TTN: variants seen among roughly 807,000 people sequenced by gnomAD.
TTN encodes connectin.
In TTN, 1,525 loss-of-function variants were observed where a neutral mutation model predicts 3,223.0. That is an observed-to-expected ratio of 0.47 (90% CI 0.45 to 0.49). The LOEUF (loss-of-function observed/expected upper bound fraction) is 0.49. Among genes scored for constraint, TTN ranks in the 20% least tolerant of loss-of-function variants. The pLI is 0.00. For missense variants in TTN, 40,786 were observed against 43,424.0 expected (o/e 0.94, Z 5.40); for synonymous variants, 14,094 against 15,161.0 (o/e 0.93, Z 5.17).
chr2:178,568,672 T>G lies in TTN; in HGVS notation c.77460A>C (p.Pro25820=), dbSNP rs576663532. 1.9e-6 allele frequency: 3 copies of G among 1,613,370 alleles called. No individual in the cohort carries two copies. The South Asian group carries it at 3.3e-5, about 18-fold the overall frequency. ...TGGTTGGCTTAGGACGTCCAGAAAT[T>G]GGCACTTCTATTTTCAAATCTTGGC... ...QVGQDLKIEV[P]ISGRPKPTIT... is the part of the protein sequence containing the mutation. Residue 25820 remains proline, a synonymous_variant, in exon 326 of 363, where the codon CCA becomes CCC. Transcript: ENST00000589042.
In TTN at chr2:178,533,005, C is replaced by T. The variant is rs369028576; in HGVS notation, c.103610G>A (p.Arg34537Gln). The change falls in exon 358 of 363, where the codon CGG becomes CAG. Residue 34537 changes from arginine (R) to glutamine (Q), a missense_variant. Transcript: ENST00000589042. ...IEEKKEERKL[R>Q]MPYDVPEPRK... Reference sequence around the variant, plus strand: ...TGGCTCTGGTACATCATAAGGCATCCGGAGTTTTCTCTCCTCCTTCTTTTC... The same window carrying T: ...TGGCTCTGGTACATCATAAGGCATCTGGAGTTTTCTCTCCTCCTTCTTTTC... 26 of 1,613,720 alleles carry T rather than the reference C, an allele frequency of 1.6e-5. No homozygotes were observed. Among genetic ancestry groups the T allele is most frequent in the Admixed American group, 1.0e-4 (6 of 59,998 alleles).
In TTN at chr2:178,578,550, CAG is replaced by C. The variant is rs2046978493; in HGVS notation, c.68329+59_68329+60del. ...CGATAAGCACATGTTCAACTGTTCT[CAG>C]GGAAATATTTGTGAGGAATCTTGAT... On this transcript the variant is annotated intron_variant, in intron 321 of 362. Coordinates refer to ENST00000589042, the MANE Select transcript of TTN (RefSeq NM_001267550.2). 4 of 1,317,790 alleles carry C rather than the reference CAG, an allele frequency of 3.0e-6. No individual in the cohort carries two copies. In the East Asian group the frequency reaches 9.7e-5, roughly 32 times the overall value. 81.6% of individuals were successfully genotyped at this position (1,317,790 alleles called of 1,614,324 possible).
Position 178,611,787 on chromosome 2 carries a change from G to A in TTN, c.50522C>T (p.Thr16841Ile). 6.2e-7 allele frequency: 1 copy of A among 1,612,678 alleles called. No individual in the cohort carries two copies. The highest frequency in any genetic ancestry group is 8.5e-7 in the Non-Finnish European group (1 of 1,179,212). Reference protein sequence around the residue: ...EAGVGHPSEPTEILSIEDPTS... With the variant: ...EAGVGHPSEPIEILSIEDPTS... The stretch of plus-strand genomic sequence containing the variant: ...TGGATCTTCAATGGATAGGATTTCT[G>A]TGGGTTCACTTGGGTGGCCAACTCC... Residue 16841 changes from threonine to isoleucine, a missense_variant, in exon 268 of 363, where the codon ACA (threonine) becomes ATA (isoleucine). Physicochemically the swap from Thr to Ile is moderately conservative, Grantham distance 89. Coordinates refer to ENST00000589042, the MANE Select transcript of TTN (RefSeq NM_001267550.2).
Position 178,756,376 on chromosome 2 carries a change from T to C in TTN, c.11100A>G (p.Ile3700Met). The C allele has an allele frequency of 6.2e-7, 1 of 1,613,896 alleles. No individual in the cohort carries two copies. The highest frequency in any genetic ancestry group is 8.5e-7 in the Non-Finnish European group (1 of 1,179,836). ...ATTGTTTCAGTCTCTCGGATTCCTCTATCTTTGCACCTTCGTGAGTCCAGG... is the reference window on the plus strand; with the variant it reads ...ATTGTTTCAGTCTCTCGGATTCCTCCATCTTTGCACCTTCGTGAGTCCAGG... ...DVTWTHEGAK[I>M]EESERLKQSQ... The change falls in exon 46 of 363, where the codon ATA becomes ATG. Residue 3700 changes from isoleucine to methionine, a missense_variant. Physicochemically the swap from Ile to Met is conservative, Grantham distance 10. Coordinates refer to ENST00000589042, the MANE Select transcript of TTN (RefSeq NM_001267550.2).
chr2:178,748,217 A>G, intron 47 of TTN: 2 of 1,613,060 alleles, frequency 1.2e-6, no homozygotes, highest in South Asian at 2.2e-5. Flanking sequence ...TTCACTATAG[A>G]TTTCTTCAGA....
In TTN at chr2:178,619,870, T is replaced by C; in HGVS notation, c.46447A>G (p.Ile15483Val). The change falls in exon 250 of 363, where the codon ATC (isoleucine) becomes GTC (valine). Residue 15483 changes from isoleucine to valine, a missense_variant. Transcript: ENST00000589042. ...LFVEEIPVEIIRPPQDILEAP... is the reference protein window; with the variant it reads ...LFVEEIPVEIVRPPQDILEAP... ...TCAAGAATATCTTGTGGAGGCCTGATGATCTCAACAGGAATTTCTGGAAAG... is the reference window on the plus strand; with the variant it reads ...TCAAGAATATCTTGTGGAGGCCTGACGATCTCAACAGGAATTTCTGGAAAG... 1 of 1,610,198 alleles carries C rather than the reference T, an allele frequency of 6.2e-7. No individual in the cohort carries two copies. The highest frequency in any genetic ancestry group is 8.5e-7 in the Non-Finnish European group (1 of 1,178,508).
rs771174516 is a variant in TTN, at chr2:178,653,029, A to G, written c.38875+12T>C. On this transcript the variant is annotated intron_variant, in intron 199 of 362. Coordinates refer to ENST00000589042, the MANE Select transcript of TTN (RefSeq NM_001267550.2). ...GTTCAGTCTTCTGAAGCCTAAAGCC[A>G]GTGACAAATACCTTTAACAGGTGGG... is the stretch of plus-strand genomic sequence containing the variant. 1 of 1,612,834 alleles carries G rather than the reference A, an allele frequency of 6.2e-7. No homozygotes were observed. The highest frequency in any genetic ancestry group is 8.5e-7 in the Non-Finnish European group (1 of 1,179,392).
rs562014918 is a variant in TTN at position 178,714,705 on chromosome 2, C to T, written c.26201-132G>A. ...ATTTAAGAGGCATTTTTGGTGGATG[C>T]GAGCAGGGACACATTAAAGTTTGTA... is the stretch of plus-strand genomic sequence containing the variant. On this transcript the variant is annotated intron_variant, in intron 90 of 362. Coordinates refer to ENST00000589042, the MANE Select transcript of TTN (RefSeq NM_001267550.2). The T allele has an allele frequency of 3.7e-4, 390 of 1,047,396 alleles. 8 individuals are homozygous for T. In the South Asian group the frequency reaches 5.7e-3, roughly 15 times the overall value. The allele number at this position is 1,047,396 out of a possible 1,614,324, so 64.9% of individuals were successfully genotyped here.
intron 160 of TTN, 22 bp downstream of exon 160, chr2:178,667,616 G>A (rs1422537003): frequency 1.3e-6 from 2 of 1,584,754 alleles, no homozygotes; most frequent in African/African-American, 2.7e-5. Flanking sequence ...TTTCTTCAGA[G>A]TGGATCATTG....
rs369232237 is a variant in TTN, at chr2:178,527,925, A to T, written c.107378-177T>A. On this transcript the variant is annotated intron_variant, in intron 361 of 362. Transcript: ENST00000589042. The stretch of plus-strand genomic sequence containing the variant: ...CATACATTTGTCAAGAGCTAGCTCA[A>T]TGTCTCCAAAACATGAATCCTTATA... 1.5e-3 allele frequency: 888 copies of T among 587,348 alleles called. 19 individuals are homozygous for T. In the South Asian group the frequency reaches 0.025, roughly 16 times the overall value. The allele number at this position is 587,348 out of a possible 1,614,324, so 36.4% of individuals were successfully genotyped here.
Position 178,719,758 on chromosome 2 carries a change from C to G in TTN, c.23734G>C (p.Val7912Leu), listed in dbSNP as rs797001857. ...GCTGAGAGTTCTGGTGTTCCAGTCA[C>G]TACACACTCTAATGCAAAAGGATTT... ...TGNPFALECV[V>L]TGTPELSAKW... is the part of the protein sequence containing the mutation. Residue 7912 changes from valine to leucine, a missense_variant, in exon 82 of 363, where the codon GTG (valine) becomes CTG (leucine). Physicochemically the swap from Val to Leu is conservative, Grantham distance 32 (BLOSUM62 1). Transcript: ENST00000589042. The G allele has an allele frequency of 2.5e-6, 4 of 1,613,540 alleles. No homozygotes were observed. Among genetic ancestry groups the G allele is most frequent in the African/African-American group, 2.7e-5 (2 of 74,914 alleles).
At position 178,604,794 on chromosome 2, in the gene TTN, G is replaced by A; in HGVS notation, c.54295C>T (p.His18099Tyr). ...PLDNGGSEIT[H>Y]YVIDKRDASR... Reference sequence around the variant, plus strand: ...GCATCACGTTTGTCAATAACATAATGGGTGATTTCACTGCCACCATTATCA... The same window carrying A: ...GCATCACGTTTGTCAATAACATAATAGGTGATTTCACTGCCACCATTATCA... Residue 18099 changes from histidine (H) to tyrosine (Y), a missense_variant, in exon 281 of 363, where the codon CAT becomes TAT. By Grantham distance (83) the His-to-Tyr change is moderately conservative. Coordinates refer to ENST00000589042, the MANE Select transcript of TTN (RefSeq NM_001267550.2). 1 of 1,612,318 alleles carries A rather than the reference G, an allele frequency of 6.2e-7. No homozygotes were observed. The highest frequency in any genetic ancestry group is 8.5e-7 in the Non-Finnish European group (1 of 1,179,014).
intron 98 of TTN, 134 bp downstream of exon 98, chr2:178,710,501 T>C (rs1024604765): frequency 1.2e-5 from 14 of 1,129,634 alleles, no homozygotes; most frequent in Admixed American, 2.4e-5. Flanking sequence ...GATAAACTTA[T>C]TTCCTCTTAA....
At position 178,569,523 on chromosome 2, in the gene TTN, G is replaced by C. The variant is rs527631472; in HGVS notation, c.76609C>G (p.Arg25537Gly). 1.9e-6 allele frequency: 3 copies of C among 1,612,424 alleles called. No individual in the cohort carries two copies. The South Asian group carries it at 3.3e-5, about 18-fold the overall frequency. ...SLRLFVPIKG[R>G]PTPEVKWGKV... ...CCCCATTTAACTTCTGGTGTAGGAC[G>C]ACCTTTTATAGGAACAAATAACCTT... The change falls in exon 326 of 363, where the codon CGT becomes GGT. Residue 25537 changes from arginine to glycine, a missense_variant. Transcript: ENST00000589042.
rs727504198 is a variant in TTN, at chr2:178,636,764, C to T, written c.40963G>A (p.Glu13655Lys). 9.3e-6 allele frequency: 15 copies of T among 1,606,182 alleles called. 1 individual carries two copies. Among genetic ancestry groups the T allele is most frequent in the African/African-American group, 4.0e-5 (3 of 74,474 alleles). The change falls in exon 225 of 363, where the codon GAA becomes AAA. Residue 13655 changes from glutamate to lysine, a missense_variant. By Grantham distance (56) the Glu-to-Lys change is moderately conservative (BLOSUM62 1). Coordinates refer to ENST00000589042, the MANE Select transcript of TTN (RefSeq NM_001267550.2). This position sits in a 1 kb window ranked among gnomAD's most constrained non-coding sequence, Gnocchi z 4.3. The stretch of plus-strand genomic sequence containing the variant: ...CTTCCTGGCCTTAACTTTCTCCTTT[C>T]GGCTTCTATTGGTGAAGGAGTCTTT... ...PKKTPSPIEA[E>K]RRKLRPGSGG...
rs904049980 is a variant in TTN at position 178,531,255 on chromosome 2, G to A, written c.105360C>T (p.Thr35120=). Residue 35120 remains threonine, a synonymous_variant, in exon 358 of 363, where the codon ACC becomes ACT. Coordinates refer to ENST00000589042, the MANE Select transcript of TTN (RefSeq NM_001267550.2). ...EEKSLEEKST[T]RKIKTTLAAR... ...CTGCCAAAGTCGTCTTGATCTTTCT[G>A]GTTGTGGATTTTTCTTCCAGTGACT... The A allele has an allele frequency of 4.3e-6, 7 of 1,613,910 alleles. No homozygotes were observed. The highest frequency in any genetic ancestry group is 5.9e-6 in the Non-Finnish European group (7 of 1,179,846).
Position 178,565,745 on chromosome 2 carries a change from C to G in TTN, c.80387G>C (p.Ser26796Thr), listed in dbSNP as rs1296203186. 18 of 1,613,462 alleles carry G rather than the reference C, an allele frequency of 1.1e-5. No homozygotes were observed. The highest frequency in any genetic ancestry group is 1.4e-5 in the Non-Finnish European group (17 of 1,179,628). The change falls in exon 326 of 363, where the codon AGT becomes ACT. Residue 26796 changes from serine to threonine, a missense_variant. Physicochemically the swap from Ser to Thr is moderately conservative, Grantham distance 58. Coordinates refer to ENST00000589042, the MANE Select transcript of TTN (RefSeq NM_001267550.2). The stretch of plus-strand genomic sequence containing the variant: ...AGGTTTCTCCCACATAAGTGATGCA[C>G]TGGTCTGGGACACATCAGTGAGTGT... Reference protein sequence around the residue: ...KVTLTDVSQTSASLMWEKPEH... With the variant: ...KVTLTDVSQTTASLMWEKPEH...
In TTN at chr2:178,580,400, ATTTG is replaced by A. The variant is rs587782986; in HGVS notation, c.66975_66978del (p.Lys22326MetfsTer8). 2 of 1,613,212 alleles carry A rather than the reference ATTTG, an allele frequency of 1.2e-6. No individual in the cohort carries two copies. Among genetic ancestry groups the A allele is most frequent in the Non-Finnish European group, 8.5e-7 (1 of 1,179,442 alleles). On this transcript the variant is annotated frameshift_variant, in exon 317 of 363. Transcript: ENST00000589042. LOFTEE classifies it high-confidence loss of function. ...GTTAAGATATATTTTCCTGCATCAT[ATTTG>A]TTCACATTTTCACAGCGCAAGAAAG... is the stretch of plus-strand genomic sequence containing the variant.
In TTN at chr2:178,552,716, T is replaced by A. The variant is rs931535269; in HGVS notation, c.90184A>T (p.Ile30062Phe). ...TKPDFDGGSVITEYVVERKGK... is the reference protein window; with the variant it reads ...TKPDFDGGSVFTEYVVERKGK... Reference sequence around the variant, plus strand: ...TTCCTTTCTACAACATATTCTGTGATGACGCTACCACCATCAAAGTCAGGT... The same window carrying A: ...TTCCTTTCTACAACATATTCTGTGAAGACGCTACCACCATCAAAGTCAGGT... The change falls in exon 335 of 363, where the codon ATC becomes TTC. Residue 30062 changes from isoleucine (I) to phenylalanine (F), a missense_variant. Physicochemically the swap from Ile to Phe is conservative, Grantham distance 21 (BLOSUM62 0). Coordinates refer to ENST00000589042, the MANE Select transcript of TTN (RefSeq NM_001267550.2). 10 of 1,613,848 alleles carry A rather than the reference T, an allele frequency of 6.2e-6. No individual in the cohort carries two copies. In the African/African-American group the frequency reaches 1.2e-4, roughly 19 times the overall value.
Sources: allele counts gnomAD v4.1 joint callset, GRCh38; gene constraint gnomAD v4.1.1; non-coding constraint Gnocchi (gnomAD v3.1); transcripts MANE v1.5; gene names NCBI Gene and HGNC (gene_info 2026-07-23, HGNC 2026-07-21).